Variants in PLAC1 observed in about 807,000 individuals in gnomAD.
PLAC1 encodes the protein placenta associated 1, also known as placenta-specific protein 1.
For synonymous variants in PLAC1, 68 were observed against 62.1 expected (o/e 1.09, Z -0.44); for missense variants, 136 against 163.2 (o/e 0.83, Z 0.91).
intron 2 of PLAC1, among the ~76,000 whole-genome samples, chrX:134,712,144 C>T (rs1044299552): frequency 2.7e-5 from 3 of 110,778 alleles, no homozygotes; most frequent in African/African-American, 6.6e-5. Context: ...AATCAGAACA[C>T]CAAGCTCATC....
intron 1 of PLAC1, among the ~76,000 whole-genome samples, chrX:134,761,983 G>T (rs1488071795): frequency 9.0e-6 from 1 of 111,350 alleles, no homozygotes; most frequent in Non-Finnish European, 1.9e-5. Flanking sequence ...CTTTTGAAGC[G>T]CCCTCTAATG....
intron 1 of PLAC1, among the ~76,000 whole-genome samples, chrX:134,640,029 T>G (rs2078301075): frequency 8.9e-6 from 1 of 112,222 alleles, no homozygotes; most frequent in Admixed American, 9.5e-5. Context: ...GTAGTGCTGT[T>G]GTGAACACAC....
chrX:134,732,090 C>T (rs1435161973), intron 2 of PLAC1, among the ~76,000 whole-genome samples: 1 of 111,451 alleles, frequency 9.0e-6, no homozygotes, highest in Non-Finnish European at 1.9e-5. Context: ...TAGAGGGATG[C>T]CTTCCATCAG....
rs150079414 is a variant in PLAC1, at chrX:134,728,316, C to A, written n.174+5119G>T. 8.0e-5 allele frequency among the ~76,000 whole-genome samples: 9 copies of A among 111,991 alleles called. No homozygotes were observed. In the East Asian group the frequency reaches 2.5e-3, roughly 31 times the overall value. On this transcript the variant is annotated intron_variant and non_coding_transcript_variant, in intron 2 of 2. Transcript: ENST00000466797. ...CCACCAACTCCAAGTAGGATAAACT[C>A]AAAAATGTCCATATCTAGATACATC...
At chrX:134,734,415 G>C (rs1042382736) in intron 1 of PLAC1, among the ~76,000 whole-genome samples, 1 of 112,463 alleles carries the variant, frequency 8.9e-6, no homozygotes, top group African/African-American at 3.2e-5. Flanking sequence ...CTCTGCTCTT[G>C]GGACCTGCAG....
chrX:134,651,103 T>C (rs2078360249), intron 1 of PLAC1: 1 of 273,167 alleles, frequency 3.7e-6, no homozygotes, highest in Admixed American at 3.5e-5. Flanking sequence ...GAGAAGCATG[T>C]TGTCTTTATT....
At chrX:134,613,359 G>T (rs1367855114) in intron 1 of PLAC1, among the ~76,000 whole-genome samples, 3 of 110,699 alleles carry the variant, frequency 2.7e-5, no homozygotes, top group African/African-American at 9.9e-5. Flanking sequence ...CACAAGACCT[G>T]TTACATCAAG....
chrX:134,644,312 G>A lies in PLAC1; in HGVS notation c.-131+14016C>T, dbSNP rs182654450. On this transcript the variant is annotated intron_variant, in intron 1 of 2. Coordinates refer to ENST00000359237, the MANE Select transcript of PLAC1 (RefSeq NM_021796.4). ...TAAAAGAAGGAAATTCTTCTCTCTA[G>A]GGTATTCCAGTATCAACTTTTTTTC... Among the ~76,000 whole-genome samples the A allele has an allele frequency of 2.8e-3, 318 of 111,603 alleles. 1 individual carries two copies. Among genetic ancestry groups the A allele is most frequent in the African/African-American group, 8.7e-3 (267 of 30,741 alleles).
At chrX:134,763,256 CT>C (rs2078775075) in intron 1 of PLAC1, among the ~76,000 whole-genome samples, 1 of 111,843 alleles carries the variant, frequency 8.9e-6, no homozygotes, top group South Asian at 3.7e-4. Context: ...CCCCAGACTA[CT>C]TCAGTAGTCA....
intron 2 of PLAC1, among the ~76,000 whole-genome samples, chrX:134,717,289 T>C (rs1249896069): frequency 2.7e-5 from 3 of 111,702 alleles, no homozygotes; most frequent in African/African-American, 9.8e-5. Flanking sequence ...AGACAGAGTC[T>C]TGCTCTGTCA....
intron 2 of PLAC1, among the ~76,000 whole-genome samples, chrX:134,581,742 G>T (rs1448999848): frequency 9.0e-6 from 1 of 110,894 alleles, no homozygotes; most frequent in Non-Finnish European, 1.9e-5. Flanking sequence ...GCCTCCCAAA[G>T]TGCTGGGATT....
chrX:134,595,617 G>GTA lies in PLAC1; in HGVS notation c.-59+6432_-59+6433dup, dbSNP rs57890518. 5.8e-3 allele frequency among the ~76,000 whole-genome samples: 595 copies of GTA among 102,869 alleles called. 2 individuals carry two copies. The highest frequency in any genetic ancestry group is 0.014 in the African/African-American group (391 of 28,575). 89.3% of individuals were successfully genotyped at this position (102,869 alleles called of 115,157 possible). On this transcript the variant is annotated intron_variant, in intron 2 of 2. Coordinates refer to ENST00000359237, the MANE Select transcript of PLAC1 (RefSeq NM_021796.4). Reference sequence around the variant, plus strand: ...TATATATAATATATATATAATGTGTGTATATATATATATATATCTGATAAT... The same window carrying GTA: ...TATATATAATATATATATAATGTGTGTATATATATATATATATATCTGATAAT...
At chrX:134,583,239 G>A (rs1380692558) in intron 2 of PLAC1, among the ~76,000 whole-genome samples, 1 of 54,846 alleles carries the variant, frequency 1.8e-5, no homozygotes, top group Non-Finnish European at 3.7e-5. Flanking sequence ...ATGATAAGGA[G>A]GGTTTTCTTG....
intron 1 of PLAC1, among the ~76,000 whole-genome samples, chrX:134,624,976 G>A (rs1276957585): frequency 9.0e-6 from 1 of 111,482 alleles, no homozygotes; most frequent in Admixed American, 9.6e-5. Context: ...TAAGTATCAT[G>A]TCTCCTAGGT....
chrX:134,602,517 G>C (rs932721083), intron 1 of PLAC1, among the ~76,000 whole-genome samples: 2 of 112,469 alleles, frequency 1.8e-5, no homozygotes, highest in Non-Finnish European at 3.8e-5. Flanking sequence ...TTCAGTATAT[G>C]ATTTTCAGTT....
chrX:134,579,244 A>T (rs912731251), intron 2 of PLAC1, among the ~76,000 whole-genome samples: 1 of 110,869 alleles, frequency 9.0e-6, no homozygotes, highest in Non-Finnish European at 1.9e-5. Flanking sequence ...TCACATGTTA[A>T]AACTGTGGAA....
At chrX:134,706,171 C>G (rs1437606447) in intron 2 of PLAC1, among the ~76,000 whole-genome samples, 1 of 112,544 alleles carries the variant, frequency 8.9e-6, no homozygotes, top group African/African-American at 3.2e-5. Flanking sequence ...ACAATAACTG[C>G]TCTCTACTCC....
chrX:134,691,598 C>T (rs2078542188), intron 2 of PLAC1, among the ~76,000 whole-genome samples: 1 of 111,905 alleles, frequency 8.9e-6, no homozygotes, highest in African/African-American at 3.3e-5. Context: ...CACAACATGC[C>T]GAAATAACTC....
rs2078708858 is a variant in PLAC1 at position 134,738,368 on chromosome X, G to A, written n.90-4849C>T. The stretch of plus-strand genomic sequence containing the variant: ...CAGTTCTCTCGAAAACAAGACACAA[G>A]GCAGACAATCCTCAGCTATTTTATT... On this transcript the variant is annotated intron_variant and non_coding_transcript_variant, in intron 1 of 2. Transcript: ENST00000466797. Among the ~76,000 whole-genome samples, 3 of 111,572 alleles carry A rather than the reference G, an allele frequency of 2.7e-5. No individual in the cohort carries two copies. The Admixed American group carries it at 2.9e-4, about 11-fold the overall frequency.
Sources: allele counts gnomAD v4.1 joint callset (sites outside exome capture counted in the v4.1 genomes callset), GRCh38; gene constraint gnomAD v4.1.1; transcripts MANE v1.5; gene names NCBI Gene and HGNC (gene_info 2026-07-23, HGNC 2026-07-21).